Variants in AFG1L observed in about 807,000 individuals in gnomAD.
AFG1L encodes the protein AFG1-like ATPase.
In AFG1L, 53 loss-of-function variants were observed where a neutral mutation model predicts 62.2. The observed-to-expected ratio is 0.85, with a 90% CI of 0.68 to 1.07. The LOEUF (loss-of-function observed/expected upper bound fraction) is 1.07, where lower values mean the gene tolerates loss of function less well. AFG1L is among the 50% of genes least tolerant of loss of function. The pLI, the probability that AFG1L is intolerant of heterozygous loss-of-function variation, is 0.00. For missense variants in AFG1L, 555 were observed against 590.5 expected (o/e 0.94, Z 0.62); for synonymous variants, 228 against 210.3 (o/e 1.08, Z -0.73).
chr6:108,445,050 A>G (rs1382194022), intron 7 of AFG1L, among the ~76,000 whole-genome samples: 1 of 152,220 alleles, frequency 6.6e-6, no homozygotes, highest in Non-Finnish European at 1.5e-5. Context: ...ACCTTCATCA[A>G]TGATCTTAAC....
At chr6:108,500,613 G>A (rs1774158882) in intron 10 of AFG1L, among the ~76,000 whole-genome samples, 1 of 152,174 alleles carries the variant, frequency 6.6e-6, no homozygotes, top group Non-Finnish European at 1.5e-5. Flanking sequence ...GAATGCAGGT[G>A]TCTTTTTGAT....
intron 7 of AFG1L, among the ~76,000 whole-genome samples, chr6:108,419,863 A>T (rs1770510384): frequency 6.6e-6 from 1 of 152,188 alleles, no homozygotes; most frequent in East Asian, 1.9e-4. Flanking sequence ...TCCAGCTACA[A>T]ACTTTAGAAA....
At chr6:108,419,672 G>T (rs1035464562) in intron 7 of AFG1L, among the ~76,000 whole-genome samples, 1 of 151,996 alleles carries the variant, frequency 6.6e-6, no homozygotes, top group African/African-American at 2.4e-5. Context: ...TAATGTTCAG[G>T]TAATGACATC....
chr6:108,374,005 T>G (rs1780132827), intron 6 of AFG1L, among the ~76,000 whole-genome samples: 1 of 152,168 alleles, frequency 6.6e-6, no homozygotes, highest in Non-Finnish European at 1.5e-5. Flanking sequence ...CATCTGTTAT[T>G]TTTTACTTTT....
intron 8 of AFG1L, among the ~76,000 whole-genome samples, chr6:108,467,953 C>T (rs1285365973): frequency 2.0e-5 from 3 of 152,332 alleles, no homozygotes; most frequent in Non-Finnish European, 4.4e-5. Context: ...AGGTTTTCTA[C>T]TGGAGTTTTA....
intron 7 of AFG1L, among the ~76,000 whole-genome samples, chr6:108,438,738 T>G (rs532860443): frequency 5.0e-4 from 76 of 152,254 alleles, no homozygotes; most frequent in Non-Finnish European, 9.0e-4. Flanking sequence ...TCCCGCTTTT[T>G]GGAAGGAGAA....
intron 2 of AFG1L, among the ~76,000 whole-genome samples, chr6:108,327,930 A>G (rs1171798899): frequency 3.3e-5 from 5 of 152,206 alleles, no homozygotes; most frequent in African/African-American, 9.7e-5. Context: ...CTATGGTCCC[A>G]TGCAGGGCTG....
intron 6 of AFG1L, among the ~76,000 whole-genome samples, chr6:108,397,676 A>G (rs970810247): frequency 1.3e-5 from 2 of 151,680 alleles, no homozygotes; most frequent in African/African-American, 4.8e-5. Flanking sequence ...AATTGTTTTG[A>G]CTTTCAGATA....
At chr6:108,349,998 C>A (rs1779018919) in intron 3 of AFG1L, among the ~76,000 whole-genome samples, 1 of 151,274 alleles carries the variant, frequency 6.6e-6, no homozygotes, top group Non-Finnish European at 1.5e-5. Flanking sequence ...CTGAGGGGGG[C>A]GGGTCATTGA....
intron 7 of AFG1L, among the ~76,000 whole-genome samples, chr6:108,418,184 G>A (rs1475425164): frequency 1.3e-5 from 2 of 152,208 alleles, no homozygotes; most frequent in African/African-American, 4.8e-5. Context: ...TGCACTGAAA[G>A]TATTTTAAAG....
At chr6:108,515,505 G>T (rs1774844066) in intron 11 of AFG1L, among the ~76,000 whole-genome samples, 1 of 152,120 alleles carries the variant, frequency 6.6e-6, no homozygotes, top group Non-Finnish European at 1.5e-5. Flanking sequence ...AAAGCAGTGT[G>T]TAGAGGGAAA....
rs116661074 is a variant in AFG1L, at chr6:108,406,286, C to T, written c.807+4232C>T. On this transcript the variant is annotated intron_variant, in intron 7 of 12. Transcript: ENST00000368977. Reference sequence around the variant, plus strand: ...CATTCCAGTTTCTCTGCATTTTCCCCAACACTTATCACTTATTTTCTTTTT... The same window carrying T: ...CATTCCAGTTTCTCTGCATTTTCCCTAACACTTATCACTTATTTTCTTTTT... Among the ~76,000 whole-genome samples, 395 of 151,802 alleles carry T rather than the reference C, an allele frequency of 2.6e-3. 2 individuals carry two copies. The highest frequency in any genetic ancestry group is 9.2e-3 in the African/African-American group (382 of 41,406).
chr6:108,522,374 G>A lies in AFG1L; in HGVS notation c.1395G>A (p.Thr465=), dbSNP rs746255081. 5.0e-6 allele frequency: 8 copies of A among 1,613,916 alleles called. No homozygotes were observed. Among genetic ancestry groups the A allele is most frequent in the East Asian group, 2.2e-5 (1 of 44,878 alleles). ...TTCAGCGCACAATTTCCCGACTCACGGAAATGCAGACTGAACAGTACTGGA... is the reference window on the plus strand; with the variant it reads ...TTCAGCGCACAATTTCCCGACTCACAGAAATGCAGACTGAACAGTACTGGA... ...FAFQRTISRL[T]EMQTEQYWNE... Residue 465 remains threonine (T), a synonymous_variant, in exon 13 of 13, where the codon ACG becomes ACA. Transcript: ENST00000368977.
At chr6:108,473,510 G>A (rs1467319493) in intron 8 of AFG1L, among the ~76,000 whole-genome samples, 1 of 152,194 alleles carries the variant, frequency 6.6e-6, no homozygotes, top group African/African-American at 2.4e-5. Context: ...AGTGGGTGGT[G>A]TTGCTCTCTT....
chr6:108,352,447 A>T (rs9486863), intron 3 of AFG1L, among the ~76,000 whole-genome samples: 14,604 of 152,248 alleles, frequency 0.096, 1,959 homozygotes, highest in African/African-American at 0.3. Context: ...TAGCATTTGC[A>T]TATAAACTTT....
intron 7 of AFG1L, among the ~76,000 whole-genome samples, chr6:108,414,112 T>A (rs1000154640): frequency 2.0e-5 from 3 of 152,072 alleles, no homozygotes; most frequent in African/African-American, 7.2e-5. Flanking sequence ...CCCACAGAAA[T>A]ACAAACTACC....
At chr6:108,392,931 A>C (rs1382390368) in intron 6 of AFG1L, among the ~76,000 whole-genome samples, 1 of 152,132 alleles carries the variant, frequency 6.6e-6, no homozygotes, top group African/African-American at 2.4e-5. Flanking sequence ...CTGCGTATCC[A>C]TGTGCATCTC....
intron 2 of AFG1L, among the ~76,000 whole-genome samples, chr6:108,324,692 CTT>C (rs1326027860): frequency 9.7e-5 from 13 of 134,614 alleles, no homozygotes; most frequent in Non-Finnish European, 8.1e-5. Context: ...CCTTTCAGGA[CTT>C]TTTTTTTTTT....
intron 8 of AFG1L, among the ~76,000 whole-genome samples, chr6:108,448,614 T>G (rs1454978032): frequency 6.6e-6 from 1 of 152,158 alleles, no homozygotes; most frequent in East Asian, 1.9e-4. Context: ...AAAGAGGTCT[T>G]GGAAGTTACT....
Sources: allele counts gnomAD v4.1 joint callset (sites outside exome capture counted in the v4.1 genomes callset), GRCh38; gene constraint gnomAD v4.1.1; transcripts MANE v1.5; gene names NCBI Gene and HGNC (gene_info 2026-07-23, HGNC 2026-07-21).